Variants in PABPC4L observed in about 807,000 individuals in gnomAD.
The protein encoded by PABPC4L is polyadenylate-binding protein 4-like.
For synonymous variants in PABPC4L, 169 were observed against 164.1 expected, an observed-to-expected ratio of 1.03 and a Z score of -0.23; for missense variants, 452 against 451.4, an observed-to-expected ratio of 1.00 and a Z score of -0.01.
the PABPC4L span, among the ~76,000 whole-genome samples, chr4:134,131,714 CAA>C: frequency 0.031 from 324 of 10,600 alleles, no homozygotes; most frequent in Non-Finnish European, 0.044. Context: ...CCTGTGAAAC[CAA>C]AAAAAAAAAA....
the PABPC4L span, among the ~76,000 whole-genome samples, chr4:134,036,695 C>A: frequency 6.6e-6 from 1 of 151,976 alleles, no homozygotes; most frequent in Non-Finnish European, 1.5e-5. Context: ...TTACATTGTT[C>A]TATGCATCTT....
chr4:134,060,358 C>G, the PABPC4L span, among the ~76,000 whole-genome samples: 1 of 151,746 alleles, frequency 6.6e-6, no homozygotes, highest in African/African-American at 2.4e-5. Context: ...GAGACACCAG[C>G]CAGGGCAACT....
At chr4:134,054,662 AT>A in the PABPC4L span, among the ~76,000 whole-genome samples, 1 of 151,812 alleles carries the variant, frequency 6.6e-6, no homozygotes, top group African/African-American at 2.4e-5. Flanking sequence ...TTGAGATTGC[AT>A]TTTTTTCACC....
At chr4:133,993,523 T>C in the PABPC4L span, among the ~76,000 whole-genome samples, 1 of 152,164 alleles carries the variant, frequency 6.6e-6, no homozygotes, top group East Asian at 1.9e-4. Flanking sequence ...CATGTACATA[T>C]CTAAGTTTTC....
the PABPC4L span, among the ~76,000 whole-genome samples, chr4:134,100,929 AT>A: frequency 1.3e-4 from 19 of 151,644 alleles, no homozygotes; most frequent in Non-Finnish European, 2.4e-4. Context: ...AAGATATAAA[AT>A]AATAATTTTA....
downstream of PABPC4L, among the ~76,000 whole-genome samples, chr4:134,195,480 T>C (rs115277397): frequency 4.0e-5 from 6 of 151,822 alleles, no homozygotes; most frequent in African/African-American, 1.4e-4. Flanking sequence ...TTCAGTGATA[T>C]TGCCTTCGCA....
At chr4:134,119,919 T>C in the PABPC4L span, among the ~76,000 whole-genome samples, 83 of 151,752 alleles carry the variant, frequency 5.5e-4, no homozygotes, top group African/African-American at 1.9e-3. Flanking sequence ...TAAATGTTCA[T>C]TGCTGCACTC....
the PABPC4L span, among the ~76,000 whole-genome samples, chr4:134,171,701 A>C: frequency 6.6e-6 from 1 of 152,238 alleles, no homozygotes. Context: ...AAGGCATCTA[A>C]ATAGGAGGAG....
the PABPC4L span, among the ~76,000 whole-genome samples, chr4:133,951,499 A>C: frequency 6.6e-6 from 1 of 152,130 alleles, no homozygotes; most frequent in Non-Finnish European, 1.5e-5. Context: ...CTCCTCTACC[A>C]GCAGGGCCTT....
the PABPC4L span, among the ~76,000 whole-genome samples, chr4:134,152,923 A>G: frequency 6.6e-6 from 1 of 152,116 alleles, no homozygotes; most frequent in African/African-American, 2.4e-5. Flanking sequence ...ACATAGTAAA[A>G]GAGGAAGCAA....
At chr4:134,044,472 G>A in the PABPC4L span, among the ~76,000 whole-genome samples, 13 of 151,792 alleles carry the variant, frequency 8.6e-5, no homozygotes, top group African/African-American at 3.1e-4. Context: ...CACCGTGTTA[G>A]CCAGGATGGT....
At chr4:134,023,352 G>A in the PABPC4L span, among the ~76,000 whole-genome samples, 2 of 152,202 alleles carry the variant, frequency 1.3e-5, no homozygotes, top group East Asian at 3.9e-4. Context: ...CTTTCAGTGC[G>A]ATTGTTGTGT....
chr4:134,022,001 A>G, the PABPC4L span, among the ~76,000 whole-genome samples: 2 of 152,096 alleles, frequency 1.3e-5, no homozygotes, highest in African/African-American at 4.8e-5. Context: ...TAACTGAGGT[A>G]TTGGAGGCAA....
intron 1 of PABPC4L, among the ~76,000 whole-genome samples, chr4:134,201,460 C>T (rs1349631751): frequency 6.6e-6 from 1 of 152,128 alleles, no homozygotes; most frequent in East Asian, 1.9e-4. Flanking sequence ...GAGGCCCCAG[C>T]CGTGGAGTAT....
At chr4:133,949,030 T>C in the PABPC4L span, among the ~76,000 whole-genome samples, 1 of 152,286 alleles carries the variant, frequency 6.6e-6, no homozygotes, top group South Asian at 2.1e-4. Flanking sequence ...TCCTAATCCA[T>C]ACCTCCAAGG....
Position 134,200,422 on chromosome 4 carries a change from C to G in PABPC4L, c.598G>C (p.Asp200His), listed in dbSNP as rs1305266701. Residue 200 changes from aspartate to histidine, a missense_variant, in exon 2 of 2, where the codon GAC becomes CAC. Asp to His is a moderately conservative substitution (Grantham distance 81). Transcript: ENST00000421491. ...TNVYIKNFGG[D>H]MDDERLKDVF... is the part of the protein sequence containing the mutation. The stretch of plus-strand genomic sequence containing the variant: ...TCCTTCAATCTCTCATCATCCATGT[C>G]ACCTCCAAAGTTTTTTATGTAAACA... 1 of 1,554,158 alleles carries G rather than the reference C, an allele frequency of 6.4e-7. No individual in the cohort carries two copies. Among genetic ancestry groups the G allele is most frequent in the Admixed American group, 1.9e-5 (1 of 51,322 alleles).
At chr4:134,041,497 T>G in the PABPC4L span, among the ~76,000 whole-genome samples, 2 of 152,074 alleles carry the variant, frequency 1.3e-5, no homozygotes, top group South Asian at 2.1e-4. Context: ...AAACACCACA[T>G]GTTCTCACTC....
At chr4:134,051,870 T>C in the PABPC4L span, among the ~76,000 whole-genome samples, 1 of 152,158 alleles carries the variant, frequency 6.6e-6, no homozygotes, top group Non-Finnish European at 1.5e-5. Flanking sequence ...TTTATACATG[T>C]CTTCAGATGT....
chr4:134,093,478 A>T, the PABPC4L span, among the ~76,000 whole-genome samples: 1 of 151,084 alleles, frequency 6.6e-6, no homozygotes, highest in Non-Finnish European at 1.5e-5. Flanking sequence ...TTATTCCTTC[A>T]TTCTTTATCT....
Sources: allele counts gnomAD v4.1 joint callset (sites outside exome capture counted in the v4.1 genomes callset), GRCh38; gene constraint gnomAD v4.1.1; transcripts MANE v1.5; gene names NCBI Gene and HGNC (gene_info 2026-07-23, HGNC 2026-07-21).